Variants in MX1 observed in about 807,000 individuals in gnomAD.
MX1 encodes the protein MX dynamin like GTPase 1.
MX1 carries 66 observed loss-of-function variants against 66.4 expected under a neutral mutation model. That is an observed-to-expected ratio of 0.99 (90% CI 0.82 to 1.22). The LOEUF (loss-of-function observed/expected upper bound fraction) is 1.22, where lower values mean the gene tolerates loss of function less well. Ranked by LOEUF, MX1 falls within the 50% of genes most tolerant of loss-of-function variation. The pLI is 0.00. For synonymous variants in MX1, 311 were observed against 318.1 expected (o/e 0.98, Z 0.24); for missense variants, 787 against 834.3 (o/e 0.94, Z 0.70).
chr21:41,434,785 T>C (rs893212266), intron 5 of MX1, among the ~76,000 whole-genome samples: 3 of 152,362 alleles, frequency 2.0e-5, no homozygotes, highest in African/African-American at 7.2e-5. Context: ...ATTGTTATTA[T>C]TGATGTTCAA....
upstream of MX1, chr21:41,422,058 AACGAGGCTGATACCTACTGGGCTGCAT>A (rs1204998919): frequency 1.3e-5 from 2 of 152,314 alleles, no homozygotes; most frequent in Non-Finnish European, 2.9e-5. Flanking sequence ...GAGCTGGTAA[AACGAGGCTGATACCTACTGGGCTGCAT>A]TCCCAGACGG....
chr21:41,434,065 C>A (rs968924353), intron 5 of MX1, among the ~76,000 whole-genome samples: 1 of 152,182 alleles, frequency 6.6e-6, no homozygotes, highest in Non-Finnish European at 1.5e-5. Flanking sequence ...GTAGCCCCTG[C>A]AACAAACAAT....
intron 13 of MX1, 98 bp from the exon 14 acceptor site, chr21:41,449,039 A>G (rs1369446673): frequency 1.7e-6 from 2 of 1,187,470 alleles, no homozygotes; most frequent in Non-Finnish European, 2.3e-6. Context: ...TTTTCTTGCC[A>G]TTTATATTTT....
intron 6 of MX1, 114 bp downstream of exon 6, chr21:41,436,143 C>A: frequency 7.7e-7 from 1 of 1,292,618 alleles, no homozygotes; most frequent in Non-Finnish European, 1.0e-6. Context: ...ACTGGAAGTC[C>A]AAAATCAGGG....
chr21:41,426,416 A>T (rs1343817451), intron 1 of MX1, 153 bp downstream of exon 1: 1 of 152,176 alleles, frequency 6.6e-6, no homozygotes, highest in African/African-American at 2.4e-5. Context: ...CAATAATAAT[A>T]ATCATAATCA....
At chr21:41,443,595 A>G in intron 10 of MX1, 193 bp from the exon 11 acceptor site, 1 of 611,712 alleles carries the variant, frequency 1.6e-6, no homozygotes, top group Non-Finnish European at 3.0e-6. Flanking sequence ...CATTGTGGAA[A>G]TATCCTAGAT....
intron 7 of MX1, among the ~76,000 whole-genome samples, chr21:41,437,666 A>T (rs2090401977): frequency 6.6e-6 from 1 of 152,150 alleles, no homozygotes; most frequent in African/African-American, 2.4e-5. Context: ...CTTATTATGT[A>T]AGTATCTAGA....
In MX1 at chr21:41,459,123, A is replaced by C; in HGVS notation, c.*365A>C. On this transcript the variant is annotated 3_prime_UTR_variant, in exon 17 of 17. Coordinates refer to ENST00000398598, the MANE Select transcript of MX1 (RefSeq NM_002462.5). ...CTCATTTTTATAATGTCCCTTCACA[A>C]ACCCAGTGTTTTAGGAGCATGAGTG... The C allele has an allele frequency of 3.3e-6, 1 of 304,586 alleles. No individual in the cohort carries two copies. Among genetic ancestry groups the C allele is most frequent in the Non-Finnish European group, 6.1e-6 (1 of 163,304 alleles). The allele number at this position is 304,586 out of a possible 1,614,324, so 18.9% of individuals were successfully genotyped here.
At position 41,435,909 on chromosome 21, in the gene MX1, C is replaced by A. The variant is rs141166870; in HGVS notation, c.178C>A (p.Arg60=). Residue 60 remains arginine (R), a synonymous_variant, in exon 6 of 17, where the codon CGG becomes AGG. Transcript: ENST00000398598. ...CTGCATCGACCTCATTGACTCCCTGCGGGCTCTAGGTGTGGAGCAGGACCT... is the reference window on the plus strand; with the variant it reads ...CTGCATCGACCTCATTGACTCCCTGAGGGCTCTAGGTGTGGAGCAGGACCT... ...RPCIDLIDSL[R]ALGVEQDLAL... The A allele has an allele frequency of 5.0e-6, 8 of 1,614,106 alleles. No homozygotes were observed. The highest frequency in any genetic ancestry group is 1.6e-4 in the Middle Eastern group (1 of 6,084).
intron 16 of MX1, among the ~76,000 whole-genome samples, chr21:41,456,722 G>A (rs931881721): frequency 1.3e-5 from 2 of 151,876 alleles, no homozygotes; most frequent in South Asian, 4.2e-4. Flanking sequence ...CATCCACACT[G>A]GCCGCTTTAG....
At chr21:41,446,920 T>A (rs71318569) in intron 13 of MX1, among the ~76,000 whole-genome samples, 15,261 of 152,178 alleles carry the variant, frequency 0.1, 868 homozygotes, top group East Asian at 0.17. Flanking sequence ...TTGGGGAGGA[T>A]GGTCAGGATA....
Position 41,432,157 on chromosome 21 carries a change from C to G in MX1, c.87C>G (p.Ala29=). ...PLLLNGDATV[A]QKNPGSVAEN... ...TACTGAATGGAGATGCTACTGTGGC[C>G]CAGAAAAATCCAGGCTCGGTAAGTT... The change falls in exon 5 of 17, where the codon GCC becomes GCG. Residue 29 remains alanine, a synonymous_variant. Coordinates refer to ENST00000398598, the MANE Select transcript of MX1 (RefSeq NM_002462.5). 6.2e-7 allele frequency: 1 copy of G among 1,614,042 alleles called. No homozygotes were observed. The highest frequency in any genetic ancestry group is 1.1e-5 in the South Asian group (1 of 91,084).
rs564501369 is a variant in MX1 at position 41,453,536 on chromosome 21, G to A, written c.1758+667G>A. On this transcript the variant is annotated intron_variant, in intron 16 of 16. Transcript: ENST00000398598. ...GATTCTAGTGCATATTCCAGGAGAC[G>A]AGTGTGGATGATGATAATGGATTGC... Among the ~76,000 whole-genome samples, 94 of 152,306 alleles carry A rather than the reference G, an allele frequency of 6.2e-4. 1 individual carries two copies. In the South Asian group the frequency reaches 0.017, roughly 28 times the overall value.
At chr21:41,453,186 GGGTTTCCC>G (rs2090878554) in intron 16 of MX1, among the ~76,000 whole-genome samples, 1 of 152,128 alleles carries the variant, frequency 6.6e-6, no homozygotes, top group Non-Finnish European at 1.5e-5. Flanking sequence ...CAAGTGAAAG[GGGTTTCCC>G]CTTATCAAAC....
chr21:41,458,581 G>T lies in MX1; in HGVS notation c.1812G>T (p.Met604Ile). Residue 604 changes from methionine (M) to isoleucine (I), a missense_variant, in exon 17 of 17, where the codon ATG becomes ATT. By Grantham distance (10) the Met-to-Ile change is conservative. Transcript: ENST00000398598. ...SHIPLIIQFF[M>I]LQTYGQQLQK... Reference sequence around the variant, plus strand: ...TCCCTTTGATCATCCAGTTCTTCATGCTCCAGACGTACGGCCAGCAGCTTC... The same window carrying T: ...TCCCTTTGATCATCCAGTTCTTCATTCTCCAGACGTACGGCCAGCAGCTTC... 5 of 1,610,662 alleles carry T rather than the reference G, an allele frequency of 3.1e-6. No individual in the cohort carries two copies. Among genetic ancestry groups the T allele is most frequent in the Non-Finnish European group, 4.2e-6 (5 of 1,178,596 alleles).
intron 10 of MX1, chr21:41,443,551 T>C: frequency 1.8e-6 from 1 of 542,060 alleles, no homozygotes; most frequent in Non-Finnish European, 3.3e-6. Flanking sequence ...ATGATACACA[T>C]TTATTATATC....
intron 15 of MX1, 57 bp downstream of exon 15, chr21:41,451,300 C>T (rs766271878): frequency 1.7e-5 from 19 of 1,109,170 alleles, no homozygotes; most frequent in Non-Finnish European, 2.4e-5. Flanking sequence ...AAGCTTGACA[C>T]TAGAAAATAG....
At chr21:41,450,104 C>G (rs2090782272) in intron 14 of MX1, among the ~76,000 whole-genome samples, 1 of 152,172 alleles carries the variant, frequency 6.6e-6, no homozygotes, top group African/African-American at 2.4e-5. Flanking sequence ...CACACCACAC[C>G]TCCCCCCTGC....
intron 15 of MX1, among the ~76,000 whole-genome samples, chr21:41,452,096 C>T (rs954758916): frequency 1.3e-5 from 2 of 152,036 alleles, no homozygotes; most frequent in Non-Finnish European, 2.9e-5. Context: ...TTGAGATGGA[C>T]GTGGAGTAAG....
Sources: allele counts gnomAD v4.1 joint callset (sites outside exome capture counted in the v4.1 genomes callset), GRCh38; gene constraint gnomAD v4.1.1; transcripts MANE v1.5; gene names NCBI Gene and HGNC (gene_info 2026-07-23, HGNC 2026-07-21).